MACROD2: variants seen among roughly 807,000 people sequenced by gnomAD.
The protein encoded by MACROD2 is mono-ADP ribosylhydrolase 2.
In MACROD2, 36 loss-of-function variants were observed where a neutral mutation model predicts 70.4. That is an observed-to-expected ratio of 0.51 (90% CI 0.39 to 0.68). MACROD2 has a LOEUF of 0.68. Among genes scored for constraint, MACROD2 ranks in the 30% least tolerant of loss-of-function variants. The pLI is 0.00. For missense variants in MACROD2, 496 were observed against 538.4 expected, an observed-to-expected ratio of 0.92 and a Z score of 0.78; for synonymous variants, 172 against 178.8, an observed-to-expected ratio of 0.96 and a Z score of 0.30.
chr20:14,687,494 C>T (rs973967973), intron 5 of MACROD2, among the ~76,000 whole-genome samples: 2 of 152,166 alleles, frequency 1.3e-5, no homozygotes, highest in African/African-American at 2.4e-5. Flanking sequence ...ATCAGTGAGT[C>T]AATACCAGTG....
intron 6 of MACROD2, among the ~76,000 whole-genome samples, chr20:15,245,289 C>A (rs1309218983): frequency 2.6e-5 from 4 of 152,106 alleles, no homozygotes; most frequent in African/African-American, 9.7e-5. Flanking sequence ...TGACATATTG[C>A]AGAAATACCT....
chr20:15,278,676 G>A (rs984431689), intron 6 of MACROD2, among the ~76,000 whole-genome samples: 1 of 152,138 alleles, frequency 6.6e-6, no homozygotes, highest in Non-Finnish European at 1.5e-5. Flanking sequence ...TAACTCTCTG[G>A]GGAGGGGTGG....
chr20:14,391,439 G>A (rs550223721), intron 3 of MACROD2, among the ~76,000 whole-genome samples: 23 of 151,932 alleles, frequency 1.5e-4, no homozygotes, highest in Admixed American at 1.3e-4. Context: ...ATGGATACAC[G>A]GAGGGGAACA....
chr20:15,021,008 A>C (rs927073214), intron 5 of MACROD2, among the ~76,000 whole-genome samples: 1 of 147,614 alleles, frequency 6.8e-6, no homozygotes, highest in Non-Finnish European at 1.5e-5. Flanking sequence ...ATGCATACAC[A>C]TGTGTATATG....
At chr20:15,871,105 G>C (rs535833676) in intron 9 of MACROD2, among the ~76,000 whole-genome samples, 30 of 148,856 alleles carry the variant, frequency 2.0e-4, no homozygotes, top group African/African-American at 6.9e-4. Flanking sequence ...GAACCCGAGA[G>C]GTGGAGGTTG....
Position 15,793,190 on chromosome 20 carries a change from C to T in MACROD2, c.646-69555C>T, listed in dbSNP as rs535831901. Among the ~76,000 whole-genome samples, 4 of 152,104 alleles carry T rather than the reference C, an allele frequency of 2.6e-5. No individual in the cohort carries two copies. In the East Asian group the frequency reaches 7.7e-4, roughly 29 times the overall value. Reference sequence around the variant, plus strand: ...TGGAAAGAGGTGAGATATTGAACTCCGATTGCCTTTGTGTAGAATACTTGT... The same window carrying T: ...TGGAAAGAGGTGAGATATTGAACTCTGATTGCCTTTGTGTAGAATACTTGT... On this transcript the variant is annotated intron_variant, in intron 8 of 17. Coordinates refer to ENST00000684519, the MANE Select transcript of MACROD2 (RefSeq NM_001351661.2).
chr20:14,016,656 G>A (rs2148621015), intron 2 of MACROD2, among the ~76,000 whole-genome samples: 1 of 152,006 alleles, frequency 6.6e-6, no homozygotes, highest in East Asian at 1.9e-4. Flanking sequence ...GTCTTTTCAA[G>A]ACATTTGAAT....
intron 10 of MACROD2, among the ~76,000 whole-genome samples, chr20:15,893,216 A>G (rs1365568273): frequency 6.6e-6 from 1 of 152,254 alleles, no homozygotes; most frequent in Non-Finnish European, 1.5e-5. Flanking sequence ...CCAAATTTTA[A>G]AAGTCCATTT....
intron 5 of MACROD2, among the ~76,000 whole-genome samples, chr20:14,744,482 T>G (rs1450078284): frequency 6.6e-6 from 1 of 151,992 alleles, no homozygotes; most frequent in African/African-American, 2.4e-5. Flanking sequence ...ACATACACTG[T>G]CTTAGCTTTT....
chr20:14,732,024 A>G (rs1408046306), intron 5 of MACROD2, among the ~76,000 whole-genome samples: 1 of 152,194 alleles, frequency 6.6e-6, no homozygotes, highest in African/African-American at 2.4e-5. Flanking sequence ...TATGGTAAAT[A>G]TCTATAGATA....
At chr20:15,843,049 G>C (rs1245923409) in intron 8 of MACROD2, among the ~76,000 whole-genome samples, 2 of 152,110 alleles carry the variant, frequency 1.3e-5, no homozygotes, top group Admixed American at 6.6e-5. Context: ...CTCACCACTT[G>C]GTGGCACTGA....
At chr20:15,615,957 A>G (rs2049031502) in intron 8 of MACROD2, among the ~76,000 whole-genome samples, 1 of 152,172 alleles carries the variant, frequency 6.6e-6, no homozygotes, top group African/African-American at 2.4e-5. Context: ...TTACTAAATG[A>G]AATAAATAAG....
chr20:14,776,102 A>G (rs1164087991), intron 5 of MACROD2, among the ~76,000 whole-genome samples: 1 of 152,046 alleles, frequency 6.6e-6, no homozygotes, highest in Non-Finnish European at 1.5e-5. Context: ...TCAGGATTTC[A>G]GAGACTGAAG....
intron 8 of MACROD2, among the ~76,000 whole-genome samples, chr20:15,605,373 AAAAGAGG>A (rs760374668): frequency 1.8e-4 from 27 of 151,898 alleles, no homozygotes; most frequent in Non-Finnish European, 4.4e-5. Context: ...ATGCAAAATG[AAAAGAGG>A]GTATTGATTC....
At chr20:15,932,127 G>C (rs1338280862) in intron 10 of MACROD2, among the ~76,000 whole-genome samples, 6 of 152,124 alleles carry the variant, frequency 3.9e-5, no homozygotes, top group Admixed American at 3.9e-4. Flanking sequence ...AGCTGCATTT[G>C]GTTGGCAGCT....
At chr20:15,746,130 A>G (rs1159759400) in intron 8 of MACROD2, among the ~76,000 whole-genome samples, 2 of 152,090 alleles carry the variant, frequency 1.3e-5, no homozygotes, top group Admixed American at 1.3e-4. Context: ...TTATAAAAAT[A>G]TTGGGCTTTA....
At chr20:15,520,181 C>G (rs917910667) in intron 8 of MACROD2, among the ~76,000 whole-genome samples, 1 of 152,046 alleles carries the variant, frequency 6.6e-6, no homozygotes, top group African/African-American at 2.4e-5. Flanking sequence ...CTATTTTTTT[C>G]AGTTAATGTA....
chr20:14,705,488 C>T (rs887196807), intron 5 of MACROD2, among the ~76,000 whole-genome samples: 2 of 152,144 alleles, frequency 1.3e-5, no homozygotes, highest in African/African-American at 4.8e-5. Context: ...CCAGCCATCT[C>T]TTCTTGGATT....
chr20:15,077,868 C>T (rs11907562), intron 5 of MACROD2, among the ~76,000 whole-genome samples: 4,972 of 152,162 alleles, frequency 0.033, 279 homozygotes, highest in African/African-American at 0.11. Flanking sequence ...GCAGCAGTTG[C>T]TGCAGCGTTT....
Sources: gnomAD v4.1 joint callset for allele counts (sites outside exome capture counted in the v4.1 genomes callset) on GRCh38, gnomAD v4.1.1 for gene constraint, MANE v1.5 for transcripts, NCBI Gene and HGNC (gene_info 2026-07-23, HGNC 2026-07-21) for gene names.